The following DIP2C variants were observed in gnomAD, a reference collection of about 807,000 sequenced individuals.
DIP2C encodes the protein disco-interacting protein 2 homolog C.
Under a neutral mutation model 192.4 loss-of-function variants are expected in DIP2C, and 33 were observed. The observed-to-expected ratio is 0.17, with a 90% confidence interval of 0.13 to 0.23. The LOEUF (loss-of-function observed/expected upper bound fraction) is 0.23, where lower values mean the gene tolerates loss of function less well. Among genes scored for constraint, DIP2C ranks in the 10% least tolerant of loss-of-function variants. DIP2C has a pLI of 1.00. For synonymous variants in DIP2C, 979 were observed against 864.1 expected (o/e 1.13, Z -2.33); for missense variants, 1,537 against 2,110.1 (o/e 0.73, Z 5.32).
intron 1 of DIP2C, among the ~76,000 whole-genome samples, chr10:530,011 G>A (rs1246061448): frequency 6.6e-6 from 1 of 152,228 alleles, no homozygotes; most frequent in Non-Finnish European, 1.5e-5. Context: ...CCACCTTGCC[G>A]ACCGGCTGTG....
intron 1 of DIP2C, among the ~76,000 whole-genome samples, chr10:586,489 C>T (rs747590209): frequency 6.6e-6 from 1 of 152,090 alleles, no homozygotes; most frequent in Admixed American, 6.5e-5. Flanking sequence ...CAGACCAGCC[C>T]TAAGTCCCGC....
intron 3 of DIP2C, among the ~76,000 whole-genome samples, chr10:454,381 A>G (rs1267067867): frequency 2.0e-5 from 3 of 152,228 alleles, no homozygotes; most frequent in Non-Finnish European, 4.4e-5. Context: ...TAAAAATACT[A>G]AAAAGGGATA....
intron 29 of DIP2C, among the ~76,000 whole-genome samples, chr10:337,636 G>A (rs970052036): frequency 4.1e-5 from 6 of 147,396 alleles, no homozygotes; most frequent in Non-Finnish European, 7.5e-5. Context: ...GTGCGCACGT[G>A]TGTTGTGGAG....
chr10:462,362 A>G (rs1969859912), intron 3 of DIP2C, among the ~76,000 whole-genome samples: 1 of 152,240 alleles, frequency 6.6e-6, no homozygotes, highest in South Asian at 2.1e-4. Context: ...CTGATCCCAC[A>G]GAAATACAAA....
At chr10:522,477 G>A (rs1370660023) in intron 1 of DIP2C, among the ~76,000 whole-genome samples, 3 of 152,246 alleles carry the variant, frequency 2.0e-5, no homozygotes, top group African/African-American at 7.2e-5. Flanking sequence ...TTAGTTCCAT[G>A]GGAAACCGCC....
intron 1 of DIP2C, among the ~76,000 whole-genome samples, chr10:672,048 C>T (rs1473636172): frequency 6.7e-6 from 1 of 149,502 alleles, no homozygotes; most frequent in African/African-American, 2.5e-5. Context: ...GGAAACAGGC[C>T]ACAGACACAC....
At chr10:512,538 T>G (rs1846082226) in intron 1 of DIP2C, among the ~76,000 whole-genome samples, 1 of 152,162 alleles carries the variant, frequency 6.6e-6, no homozygotes, top group South Asian at 2.1e-4. Context: ...CAGCCAAGAT[T>G]TGCGTTGCTG....
At chr10:679,828 C>CA (rs1831068578) in intron 1 of DIP2C, among the ~76,000 whole-genome samples, 1 of 152,228 alleles carries the variant, frequency 6.6e-6, no homozygotes, top group Admixed American at 6.5e-5. Context: ...CTCCCTTCCA[C>CA]AGATTTCCTC....
intron 1 of DIP2C, among the ~76,000 whole-genome samples, chr10:536,289 G>A (rs1847687951): frequency 6.6e-6 from 1 of 152,238 alleles, no homozygotes; most frequent in African/African-American, 2.4e-5. Context: ...ACCAGCCATT[G>A]GGACGTAGGA....
chr10:413,789 A>G (rs954610224), intron 8 of DIP2C, 124 bp downstream of exon 8: 8 of 1,259,600 alleles, frequency 6.4e-6, no homozygotes, highest in Non-Finnish European at 8.7e-6. Flanking sequence ...GGCGTGGGCA[A>G]AGGGCAGAGG....
chr10:467,810 G>C lies in DIP2C; in HGVS notation c.268+4629C>G, dbSNP rs541757368. The stretch of plus-strand genomic sequence containing the variant: ...ACACACTAGGGCCTGTTGGGTGCTG[G>C]AGGACTACAGGAGGGATAGCATTAG... On this transcript the variant is annotated intron_variant, in intron 3 of 36. Transcript: ENST00000280886. 6.6e-5 allele frequency among the ~76,000 whole-genome samples: 10 copies of C among 152,264 alleles called. No homozygotes were observed. The South Asian group carries it at 1.9e-3, about 28-fold the overall frequency.
chr10:495,767 G>C (rs1206206570), intron 1 of DIP2C, among the ~76,000 whole-genome samples: 1 of 151,380 alleles, frequency 6.6e-6, no homozygotes, highest in East Asian at 2.0e-4. Flanking sequence ...TGTGACTGCT[G>C]AGTACACAGA....
rs1966309744 is a variant in DIP2C at position 423,004 on chromosome 10, A to C, written c.424T>G (p.Ser142Ala). ...GTGCCCTGGGAGTCCCCCTGCACTG[A>C]GCCTTCATCTTCTGAGCCAGAAGAG... ...DTSSGSEDEGSVQGDSQGTPT... is the reference protein window; with the variant it reads ...DTSSGSEDEGAVQGDSQGTPT... Residue 142 changes from serine to alanine, a missense_variant, in exon 5 of 37, where the codon TCA becomes GCA. By Grantham distance (99) the Ser-to-Ala change is moderately conservative. Around this residue, in one of 4 missense-constraint regions of DIP2C, gnomAD observed 473 missense variants for 539.6 expected, o/e 0.88. Coordinates refer to ENST00000280886, the MANE Select transcript of DIP2C (RefSeq NM_014974.3). 1 of 1,612,120 alleles carries C rather than the reference A, an allele frequency of 6.2e-7. No individual in the cohort carries two copies. The highest frequency in any genetic ancestry group is 8.5e-7 in the Non-Finnish European group (1 of 1,178,848).
chr10:425,330 GGAT>G (rs1401024001), intron 4 of DIP2C, among the ~76,000 whole-genome samples: 1 of 84,060 alleles, frequency 1.2e-5, no homozygotes, highest in Non-Finnish European at 2.3e-5. Context: ...AATGTGACAC[GGAT>G]GATACAGCAT....
chr10:377,684 C>G (rs1325803126), intron 17 of DIP2C, among the ~76,000 whole-genome samples: 2 of 152,218 alleles, frequency 1.3e-5, no homozygotes. Flanking sequence ...TCCGCTGTCA[C>G]TCATCCAGGC....
intron 1 of DIP2C, among the ~76,000 whole-genome samples, chr10:679,969 C>A (rs538071610): frequency 2.6e-5 from 4 of 152,266 alleles, no homozygotes; most frequent in South Asian, 2.1e-4. Context: ...GTGAGATGAG[C>A]GCATCTGATC....
intron 21 of DIP2C, 61 bp from the exon 22 acceptor site, chr10:362,752 T>C: frequency 6.6e-7 from 1 of 1,515,626 alleles, no homozygotes; most frequent in South Asian, 1.3e-5. Context: ...TACGTATTTA[T>C]ATTATGCAAA....
At chr10:354,168 A>G (rs1274880961) in intron 24 of DIP2C, among the ~76,000 whole-genome samples, 1 of 152,232 alleles carries the variant, frequency 6.6e-6, no homozygotes, top group Non-Finnish European at 1.5e-5. Context: ...AGACATCCTC[A>G]GGCCATGCCT....
In DIP2C at chr10:636,415, T is replaced by C. The variant is rs1424211670; in HGVS notation, c.85+53079A>G. On this transcript the variant is annotated intron_variant, in intron 1 of 36. Coordinates refer to ENST00000280886, the MANE Select transcript of DIP2C (RefSeq NM_014974.3). The surrounding 1 kb of genome is among the most constrained non-coding windows in gnomAD (Gnocchi z 4.6). ...CATTTCGGTAGATTTGCTTTCTCAC[T>C]CTCTCTCTCTGTAGATTATACAGAG... Among the ~76,000 whole-genome samples the C allele has an allele frequency of 6.6e-6, 1 of 152,070 alleles. No homozygotes were observed. Among genetic ancestry groups the C allele is most frequent in the East Asian group, 1.9e-4 (1 of 5,172 alleles).
Sources: gnomAD v4.1 joint callset for allele counts (sites outside exome capture counted in the v4.1 genomes callset) on GRCh38, gnomAD v4.1.1 for gene constraint, gnomAD v4.1.1 regional missense constraint, Gnocchi (gnomAD v3.1) non-coding constraint, MANE v1.5 for transcripts, NCBI Gene and HGNC (gene_info 2026-07-23, HGNC 2026-07-21) for gene names.